ANGPT1: variants seen among roughly 807,000 people sequenced by gnomAD.
ANGPT1 encodes angiopoietin-1.
A neutral mutation model predicts 62.2 loss-of-function variants in ANGPT1; 17 were observed. The ratio of observed to expected loss-of-function variants is 0.27; its 90% CI spans 0.19 to 0.41. ANGPT1 has a LOEUF of 0.41. ANGPT1 is among the 10% of genes least tolerant of loss of function. The pLI is 1.00. For missense variants in ANGPT1, 478 were observed against 594.9 expected, an observed-to-expected ratio of 0.80 and a Z score of 2.04; for synonymous variants, 199 against 198.9, an observed-to-expected ratio of 1.00 and a Z score of 0.00.
At chr8:107,252,377 C>A (rs1039625775) in intron 8 of ANGPT1, among the ~76,000 whole-genome samples, 1 of 152,114 alleles carries the variant, frequency 6.6e-6, no homozygotes, top group Non-Finnish European at 1.5e-5. Context: ...TGCATATACC[C>A]ATAAGAGGCA....
At position 107,336,689 on chromosome 8, in the gene ANGPT1, G is replaced by A. The variant is rs866019224; in HGVS notation, c.454-418C>T. On this transcript the variant is annotated intron_variant, in intron 2 of 8. Coordinates refer to ENST00000517746, the MANE Select transcript of ANGPT1 (RefSeq NM_001146.5). The stretch of plus-strand genomic sequence containing the variant: ...CAAAAAAAAAAAAAAAAAAAAAAAA[G>A]GTTTACATTCTACTTATATTCTACC... Among the ~76,000 whole-genome samples the A allele has an allele frequency of 1.4e-3, 189 of 130,818 alleles. 2 individuals are homozygous for A. Among genetic ancestry groups the A allele is most frequent in the African/African-American group, 6.3e-3 (176 of 28,010 alleles). 85.8% of individuals were successfully genotyped at this position (130,818 alleles called of 152,430 possible).
At chr8:107,397,441 T>TTG (rs3036540) in intron 1 of ANGPT1, among the ~76,000 whole-genome samples, 78,220 of 150,320 alleles carry the variant, frequency 0.52, 21,196 homozygotes, top group Middle Eastern at 0.63. Context: ...AAAATGTTGC[T>TTG]TGTGTGTGTG....
At chr8:107,313,584 C>T (rs560344832) in intron 4 of ANGPT1, among the ~76,000 whole-genome samples, 1 of 151,318 alleles carries the variant, frequency 6.6e-6, no homozygotes, top group Non-Finnish European at 1.5e-5. Context: ...GGACTACAGG[C>T]GCCCACCACC....
At chr8:107,385,743 T>C (rs2445362) in intron 1 of ANGPT1, among the ~76,000 whole-genome samples, 7,814 of 152,174 alleles carry the variant, frequency 0.051, 236 homozygotes, top group South Asian at 0.12. Flanking sequence ...CTTTTGCCTG[T>C]TCAGTACGAT....
chr8:107,306,998 A>G (rs1395794880), intron 4 of ANGPT1, among the ~76,000 whole-genome samples: 8 of 152,192 alleles, frequency 5.3e-5, no homozygotes, highest in Non-Finnish European at 1.2e-4. Context: ...GGCTGTATCT[A>G]TCTCTCAAAG....
At chr8:107,446,318 T>A (rs557363562) in intron 1 of ANGPT1, among the ~76,000 whole-genome samples, 80 of 152,350 alleles carry the variant, frequency 5.3e-4, no homozygotes, top group Non-Finnish European at 1.0e-3. Flanking sequence ...AAGTATTTGA[T>A]TAAGATGCAG....
chr8:107,359,330 T>C (rs1379739371), intron 1 of ANGPT1, among the ~76,000 whole-genome samples: 9 of 152,128 alleles, frequency 5.9e-5, no homozygotes, highest in Admixed American at 3.3e-4. Context: ...TCTCTAAGGA[T>C]GTGAAGGAAA....
chr8:107,267,684 G>A (rs11777978), intron 7 of ANGPT1, among the ~76,000 whole-genome samples: 59,775 of 151,734 alleles, frequency 0.39, 12,213 homozygotes, highest in East Asian at 0.57. Flanking sequence ...AAAGTTGCTC[G>A]GTTGTTCCTC....
At chr8:107,394,729 T>G (rs1816902061) in intron 1 of ANGPT1, among the ~76,000 whole-genome samples, 2 of 152,194 alleles carry the variant, frequency 1.3e-5, no homozygotes, top group Admixed American at 1.3e-4. Flanking sequence ...GCCCAAACCA[T>G]TCAGTCTTCA....
intron 1 of ANGPT1, among the ~76,000 whole-genome samples, chr8:107,378,471 T>A (rs1340084263): frequency 6.6e-6 from 1 of 152,224 alleles, no homozygotes; most frequent in Non-Finnish European, 1.5e-5. Flanking sequence ...TGTATATATG[T>A]ATAATGTGTG....
intron 5 of ANGPT1, among the ~76,000 whole-genome samples, chr8:107,298,206 T>C (rs1814467118): frequency 6.6e-6 from 1 of 151,968 alleles, no homozygotes. Context: ...TTTATACTTT[T>C]ATGTTCCATA....
intron 1 of ANGPT1, among the ~76,000 whole-genome samples, chr8:107,441,440 T>C (rs1017496619): frequency 2.5e-4 from 38 of 152,310 alleles, no homozygotes; most frequent in South Asian, 2.1e-4. Context: ...TCCTTCTGAA[T>C]TGCACTAAGT....
rs915221153 is a variant in ANGPT1 at position 107,256,841 on chromosome 8, T to C, written c.1337-4826A>G. Reference sequence around the variant, plus strand: ...CAAATGTTTTTTTGTTTTGTTTTGTTCTGTTTTTTTTTTTGTTTTGTTTTG... The same window carrying C: ...CAAATGTTTTTTTGTTTTGTTTTGTCCTGTTTTTTTTTTTGTTTTGTTTTG... On this transcript the variant is annotated intron_variant, in intron 8 of 8. Coordinates refer to ENST00000517746, the MANE Select transcript of ANGPT1 (RefSeq NM_001146.5). Among the ~76,000 whole-genome samples the C allele has an allele frequency of 5.3e-5, 8 of 151,894 alleles. No homozygotes were observed. The South Asian group carries it at 6.2e-4, about 12-fold the overall frequency.
rs551175492 is a variant in ANGPT1 at position 107,339,877 on chromosome 8, C to T, written c.454-3606G>A. Among the ~76,000 whole-genome samples the T allele has an allele frequency of 2.0e-5, 3 of 152,282 alleles. No individual in the cohort carries two copies. In the East Asian group the frequency reaches 5.8e-4, roughly 29 times the overall value. On this transcript the variant is annotated intron_variant, in intron 2 of 8. Coordinates refer to ENST00000517746, the MANE Select transcript of ANGPT1 (RefSeq NM_001146.5). Reference sequence around the variant, plus strand: ...TGATGACAGTCTAAATCTAGAGCAGCATCTGAATATAGGAGAAGGAAGGAG... The same window carrying T: ...TGATGACAGTCTAAATCTAGAGCAGTATCTGAATATAGGAGAAGGAAGGAG...
intron 1 of ANGPT1, among the ~76,000 whole-genome samples, chr8:107,359,798 G>A (rs1432818123): frequency 2.0e-5 from 3 of 152,176 alleles, no homozygotes; most frequent in Non-Finnish European, 4.4e-5. Context: ...ACTGTTAATA[G>A]TGACGATCTC....
At chr8:107,328,338 T>C (rs1815337337) in intron 3 of ANGPT1, among the ~76,000 whole-genome samples, 1 of 152,020 alleles carries the variant, frequency 6.6e-6, no homozygotes, top group Non-Finnish European at 1.5e-5. Flanking sequence ...AAGTCTGAAA[T>C]CATATTTGTT....
At chr8:107,449,475 C>T (rs1811708458) in intron 1 of ANGPT1, among the ~76,000 whole-genome samples, 1 of 151,606 alleles carries the variant, frequency 6.6e-6, no homozygotes, top group Admixed American at 6.6e-5. Context: ...AGAGCAGGTC[C>T]TCAAATCAAC....
chr8:107,493,974 T>C lies in ANGPT1; in HGVS notation c.297+3288A>G, dbSNP rs762101121. On this transcript the variant is annotated intron_variant, in intron 1 of 8. Coordinates refer to ENST00000517746, the MANE Select transcript of ANGPT1 (RefSeq NM_001146.5). ...AAAACAGCTAAATAGTCCAGTAAAA[T>C]CTTTGTATTTCTTAAAATATTCTGG... is the stretch of plus-strand genomic sequence containing the variant. 2.7e-5 allele frequency among the ~76,000 whole-genome samples: 4 copies of C among 150,428 alleles called. No individual in the cohort carries two copies. In the Admixed American group the frequency reaches 2.7e-4, roughly 10 times the overall value.
At chr8:107,254,524 C>T (rs1017185488) in intron 8 of ANGPT1, among the ~76,000 whole-genome samples, 24 of 151,924 alleles carry the variant, frequency 1.6e-4, no homozygotes, top group African/African-American at 5.3e-4. Flanking sequence ...GAAGAAAATA[C>T]GTAGGAGCTC....
Sources: gnomAD v4.1 joint callset for allele counts (sites outside exome capture counted in the v4.1 genomes callset) on GRCh38, gnomAD v4.1.1 for gene constraint, MANE v1.5 for transcripts, NCBI Gene and HGNC (gene_info 2026-07-23, HGNC 2026-07-21) for gene names.